Variants in NBAS observed in about 807,000 individuals in gnomAD.
The protein encoded by NBAS is NAG/BC035112 fusion.
In NBAS, 219 loss-of-function variants were observed where a neutral mutation model predicts 302.5. The ratio of observed to expected loss-of-function variants is 0.72; its 90% CI spans 0.65 to 0.81. The LOEUF (loss-of-function observed/expected upper bound fraction) is 0.81. NBAS is among the 30% of genes least tolerant of loss of function. The pLI, the probability that NBAS is intolerant of heterozygous loss-of-function variation, is 0.00. For missense variants in NBAS, 2,932 were observed against 2,841.6 expected (o/e 1.03, Z -0.72); for synonymous variants, 1,118 against 1,021.6 (o/e 1.09, Z -1.80).
intron 44 of NBAS, among the ~76,000 whole-genome samples, chr2:15,258,712 C>T (rs1012104405): frequency 3.3e-5 from 5 of 152,134 alleles, no homozygotes; most frequent in Non-Finnish European, 7.4e-5. Context: ...AGATGTTTAT[C>T]AAGACAATAC....
At chr2:15,031,177 A>G in the NBAS span, among the ~76,000 whole-genome samples, 3 of 152,336 alleles carry the variant, frequency 2.0e-5, no homozygotes, top group South Asian at 2.1e-4. Context: ...TCATGAAGCA[A>G]TTTATGATAA....
rs147525156 is a variant in NBAS at position 15,547,527 on chromosome 2, T to C, written c.379+3966A>G. ...CATACACACTAAAAACTCTGACAAATATTATAATTTGTATAAAATACAGAA... is the reference window on the plus strand; with the variant it reads ...CATACACACTAAAAACTCTGACAAACATTATAATTTGTATAAAATACAGAA... On this transcript the variant is annotated intron_variant, in intron 6 of 51. Transcript: ENST00000281513. Among the ~76,000 whole-genome samples the C allele has an allele frequency of 5.1e-3, 780 of 152,304 alleles. 3 individuals are homozygous for C. The highest frequency in any genetic ancestry group is 0.017 in the African/African-American group (693 of 41,550).
At chr2:15,144,105 A>C in the NBAS span, among the ~76,000 whole-genome samples, 1 of 144,434 alleles carries the variant, frequency 6.9e-6, no homozygotes, top group African/African-American at 2.6e-5. Context: ...AAACCTGACT[A>C]ATACACCTTG....
At chr2:15,538,044 A>G (rs1663604444) in intron 7 of NBAS, among the ~76,000 whole-genome samples, 1 of 152,234 alleles carries the variant, frequency 6.6e-6, no homozygotes, top group African/African-American at 2.4e-5. Context: ...AATCAAAGAA[A>G]GAGCATAAAC....
At chr2:15,399,815 C>T (rs1223492464) in intron 26 of NBAS, among the ~76,000 whole-genome samples, 1 of 151,262 alleles carries the variant, frequency 6.6e-6, no homozygotes, top group Non-Finnish European at 1.5e-5. Flanking sequence ...AAAAAAAATC[C>T]ATATTTAAAT....
At chr2:15,397,318 C>G (rs538401214) in intron 26 of NBAS, 2 of 223,164 alleles carry the variant, frequency 9.0e-6, no homozygotes, top group East Asian at 3.0e-4. Context: ...CAATGCTCCA[C>G]CTAAACTCCA....
chr2:15,452,870 G>A (rs1223038538), intron 21 of NBAS, among the ~76,000 whole-genome samples: 2 of 152,090 alleles, frequency 1.3e-5, no homozygotes, highest in Non-Finnish European at 2.9e-5. Flanking sequence ...ATCTGCTCAC[G>A]TAATCATTTA....
chr2:14,926,566 C>A, the NBAS span, among the ~76,000 whole-genome samples: 3 of 152,106 alleles, frequency 2.0e-5, no homozygotes, highest in Non-Finnish European at 4.4e-5. Context: ...GTTTTTTCAT[C>A]TTTTATAGTC....
chr2:15,454,259 T>C (rs1679149118), intron 21 of NBAS, among the ~76,000 whole-genome samples: 1 of 152,214 alleles, frequency 6.6e-6, no homozygotes, highest in Non-Finnish European at 1.5e-5. Context: ...ATTCTCATTG[T>C]TCAGTAAACA....
the NBAS span, among the ~76,000 whole-genome samples, chr2:14,956,653 G>A: frequency 2.6e-5 from 4 of 152,160 alleles, no homozygotes; most frequent in South Asian, 6.2e-4. Flanking sequence ...CATGGTGGCA[G>A]GGGAGAGAAG....
intron 48 of NBAS, among the ~76,000 whole-genome samples, chr2:15,211,875 T>G (rs1308872263): frequency 6.6e-6 from 1 of 152,214 alleles, no homozygotes; most frequent in Admixed American, 6.5e-5. Flanking sequence ...GATGCTTGTG[T>G]GAAGGGGATA....
the NBAS span, among the ~76,000 whole-genome samples, chr2:14,936,366 C>T: frequency 6.6e-6 from 1 of 152,150 alleles, no homozygotes; most frequent in African/African-American, 2.4e-5. Flanking sequence ...AAATTAAAGT[C>T]TTAGAAAGTA....
At chr2:14,810,309 G>T in the NBAS span, among the ~76,000 whole-genome samples, 3 of 152,272 alleles carry the variant, frequency 2.0e-5, no homozygotes, top group East Asian at 3.9e-4. Flanking sequence ...CATGTGTTGT[G>T]GAAGGAACCT....
the NBAS span, among the ~76,000 whole-genome samples, chr2:14,868,281 G>A: frequency 1.3e-5 from 2 of 152,062 alleles, no homozygotes; most frequent in Admixed American, 6.6e-5. Context: ...ATTAATAATG[G>A]CAATTGCTGC....
chr2:15,077,487 A>G, the NBAS span, among the ~76,000 whole-genome samples: 4 of 152,306 alleles, frequency 2.6e-5, no homozygotes, highest in South Asian at 4.1e-4. Context: ...GAATAGAGTG[A>G]CAAATGAGAC....
At chr2:15,300,128 C>A (rs1670730770) in intron 40 of NBAS, among the ~76,000 whole-genome samples, 1 of 152,162 alleles carries the variant, frequency 6.6e-6, no homozygotes, top group Non-Finnish European at 1.5e-5. Context: ...CTTCAAGATG[C>A]ACAGGCTGTG....
the NBAS span, among the ~76,000 whole-genome samples, chr2:14,836,331 T>C: frequency 4.6e-5 from 7 of 152,010 alleles, no homozygotes; most frequent in East Asian, 1.4e-3. Flanking sequence ...TGGTTAATGC[T>C]TTTTGTGTCT....
intron 9 of NBAS, among the ~76,000 whole-genome samples, chr2:15,528,885 A>ATATATATATGGTG (rs377463380): frequency 1.2e-4 from 15 of 123,204 alleles, no homozygotes; most frequent in Non-Finnish European, 2.3e-4. Context: ...AAAAATATAT[A>ATATATATATGGTG]TATATATATA....
chr2:15,298,149 A>C (rs1220593779), intron 40 of NBAS, among the ~76,000 whole-genome samples: 1 of 152,198 alleles, frequency 6.6e-6, no homozygotes, highest in Non-Finnish European at 1.5e-5. Flanking sequence ...GTTTGGGACC[A>C]GCCTGAGTGA....
Sources: allele counts gnomAD v4.1 joint callset (sites outside exome capture counted in the v4.1 genomes callset), GRCh38; gene constraint gnomAD v4.1.1; transcripts MANE v1.5; gene names NCBI Gene and HGNC (gene_info 2026-07-23, HGNC 2026-07-21).